PHACTR2: variants seen among roughly 807,000 people sequenced by gnomAD.
The protein encoded by PHACTR2 is phosphatase and actin regulator 2.
A neutral mutation model predicts 76.0 loss-of-function variants in PHACTR2; 30 were observed. The observed-to-expected ratio is 0.39, with a 90% CI of 0.30 to 0.54. PHACTR2 has a LOEUF of 0.54. Among genes scored for constraint, PHACTR2 ranks in the 20% least tolerant of loss-of-function variants. PHACTR2 has a pLI of 0.61. For missense variants in PHACTR2, 696 were observed against 781.1 expected (o/e 0.89, Z 1.30); for synonymous variants, 292 against 292.5 (o/e 1.00, Z 0.02).
chr6:143,788,987 G>A, intron 11 of PHACTR2, 77 bp downstream of exon 11: 1 of 1,349,002 alleles, frequency 7.4e-7, no homozygotes, highest in Non-Finnish European at 1.0e-6. Flanking sequence ...CCCTACTTAA[G>A]TCATCCCAGG....
At chr6:143,560,119 G>C (rs1203545336) in intron 1 of PHACTR2, among the ~76,000 whole-genome samples, 1 of 152,194 alleles carries the variant, frequency 6.6e-6, no homozygotes, top group Non-Finnish European at 1.5e-5. Flanking sequence ...CGGGAAAACA[G>C]AAAGTTGGTG....
At position 143,820,773 on chromosome 6, in the gene PHACTR2, C is replaced by T. The variant is rs1776401646; in HGVS notation, c.1923-2901C>T. 6.6e-6 allele frequency among the ~76,000 whole-genome samples: 1 copy of T among 152,216 alleles called. No individual in the cohort carries two copies. The highest frequency in any genetic ancestry group is 2.4e-5 in the African/African-American group (1 of 41,458). On this transcript the variant is annotated intron_variant, in intron 12 of 12. Coordinates refer to ENST00000440869, the MANE Select transcript of PHACTR2 (RefSeq NM_001100164.2). This position sits in a 1 kb window ranked among gnomAD's most constrained non-coding sequence, Gnocchi z 4.2. Reference sequence around the variant, plus strand: ...CCCCAGCAGAGACCCTTTGTGGAATCCCCAACTCCTCATTTCCCTTCCACA... The same window carrying T: ...CCCCAGCAGAGACCCTTTGTGGAATTCCCAACTCCTCATTTCCCTTCCACA...
chr6:143,769,518 G>C (rs371051801), intron 6 of PHACTR2, among the ~76,000 whole-genome samples: 4 of 152,166 alleles, frequency 2.6e-5, no homozygotes, highest in Admixed American at 6.5e-5. Flanking sequence ...CTGGATTCTA[G>C]ACAAGACTTG....
chr6:143,664,847 G>A lies in PHACTR2; in HGVS notation c.14-47169G>A, dbSNP rs1017012293. Among the ~76,000 whole-genome samples, 1 of 151,936 alleles carries A rather than the reference G, an allele frequency of 6.6e-6. No individual in the cohort carries two copies. Among genetic ancestry groups the A allele is most frequent in the Admixed American group, 6.6e-5 (1 of 15,248 alleles). On this transcript the variant is annotated intron_variant, in intron 1 of 11. Coordinates refer to the PHACTR2 transcript ENST00000305766. This position sits in a 1 kb window ranked among gnomAD's most constrained non-coding sequence, Gnocchi z 5.1. The stretch of plus-strand genomic sequence containing the variant: ...ACTGTCTTGCTCTGTCACCCAGGCT[G>A]GAGTGCAGTGGTGCAATCTCGGTTC...
At chr6:143,673,466 T>C (rs112087606), upstream of PHACTR2, among the ~76,000 whole-genome samples, 67 of 152,272 alleles carry the variant, frequency 4.4e-4, 1 homozygote, top group African/African-American at 1.5e-3. Context: ...ATGTGATGGT[T>C]AACAAAACAA....
Position 143,784,562 on chromosome 6 carries a change from TC to T in PHACTR2, c.1707+1285del, listed in dbSNP as rs1775508875. On this transcript the variant is annotated intron_variant, in intron 10 of 12. Transcript: ENST00000440869. This position sits in a 1 kb window ranked among gnomAD's most constrained non-coding sequence, Gnocchi z 4.5. ...AAGGCAGATGGAGGCAATGCTTCAT[TC>T]CCACAGAAAAGCTATGGGACTATGT... Among the ~76,000 whole-genome samples the T allele has an allele frequency of 6.6e-6, 1 of 152,198 alleles. No individual in the cohort carries two copies. Among genetic ancestry groups the T allele is most frequent in the Non-Finnish European group, 1.5e-5 (1 of 68,030 alleles).
chr6:143,827,161 T>TATAC lies in PHACTR2; in HGVS notation c.*3475_*3476insCATA, dbSNP rs869052472. ...CGTTGGCATTAAAAAAGAAAATATA[T>TATAC]ATATATATATATATATATATATATA... On this transcript the variant is annotated 3_prime_UTR_variant, in exon 13 of 13. Coordinates refer to ENST00000440869, the MANE Select transcript of PHACTR2 (RefSeq NM_001100164.2). 0.028 allele frequency: 881 copies of TATAC among 31,474 alleles called. 13 individuals are homozygous for TATAC. Among genetic ancestry groups the TATAC allele is most frequent in the Non-Finnish European group, 0.045 (667 of 14,964 alleles). The allele number at this position is 31,474 out of a possible 1,614,324, so 1.9% of individuals were successfully genotyped here. A position where few individuals can be genotyped will look rare whatever the true frequency, so the allele number is the denominator to read the frequency against.
rs371127962 is a variant in PHACTR2, at chr6:143,787,173, G to A, written c.1708-1600G>A. Among the ~76,000 whole-genome samples the A allele has an allele frequency of 5.9e-5, 9 of 152,336 alleles. No homozygotes were observed. Among genetic ancestry groups the A allele is most frequent in the East Asian group, 3.9e-4 (2 of 5,184 alleles). On this transcript the variant is annotated intron_variant, in intron 10 of 12. Transcript: ENST00000440869. This position sits in a 1 kb window ranked among gnomAD's most constrained non-coding sequence, Gnocchi z 4.6. ...CCTCCACCATACATAGCTCCATGCC[G>A]TAGGTGCAGGTCAGCCCGTAGCACT...
Position 143,646,536 on chromosome 6 carries a change from T to C in PHACTR2, c.13+38214T>C, listed in dbSNP as rs78072471. ...TAGACATAACCTGATCCTTCAAATA[T>C]AACTGAAAAAAAGGTGCTCCATTTT... is the stretch of plus-strand genomic sequence containing the variant. On this transcript the variant is annotated intron_variant, in intron 1 of 11. Coordinates refer to the PHACTR2 transcript ENST00000305766. This position sits in a 1 kb window ranked among gnomAD's most constrained non-coding sequence, Gnocchi z 4.1. Among the ~76,000 whole-genome samples the C allele has an allele frequency of 1.6e-3, 241 of 152,190 alleles. 3 individuals carry two copies. In the East Asian group the frequency reaches 0.024, roughly 15 times the overall value.
In PHACTR2 at chr6:143,597,797, A is replaced by G. The variant is rs1368269935; in HGVS notation, c.217+60590A>G. Among the ~76,000 whole-genome samples the G allele has an allele frequency of 6.6e-6, 1 of 152,204 alleles. No homozygotes were observed. The highest frequency in any genetic ancestry group is 1.5e-5 in the Non-Finnish European group (1 of 68,040). ...AGATTATTGGAAATCCTCCAGGTCC[A>G]TTATATTGACATTCTTTTTTATAAT... On this transcript the variant is annotated intron_variant, in intron 1 of 11. Coordinates refer to the PHACTR2 transcript ENST00000367584. The surrounding 1 kb of genome is among the most constrained non-coding windows in gnomAD (Gnocchi z 5.7).
chr6:143,695,521 G>A lies in PHACTR2; in HGVS notation c.47-16495G>A, dbSNP rs555596066. ...GATAAGGATTTAATTAATTGCTTGT[G>A]GTTTTGCAGTGCCAGTCCAGGTTTA... is the stretch of plus-strand genomic sequence containing the variant. On this transcript the variant is annotated intron_variant, in intron 1 of 12. Transcript: ENST00000440869. The surrounding 1 kb of genome is among the most constrained non-coding windows in gnomAD (Gnocchi z 4.4). 6.6e-6 allele frequency among the ~76,000 whole-genome samples: 1 copy of A among 152,318 alleles called. No individual in the cohort carries two copies. Among genetic ancestry groups the A allele is most frequent in the South Asian group, 2.1e-4 (1 of 4,824 alleles).
rs1459751988 is a variant in PHACTR2 at position 143,747,816 on chromosome 6, A to G, written c.215-1169A>G. 2.0e-5 allele frequency among the ~76,000 whole-genome samples: 3 copies of G among 152,174 alleles called. No individual in the cohort carries two copies. In the East Asian group the frequency reaches 5.8e-4, roughly 29 times the overall value. On this transcript the variant is annotated intron_variant, in intron 2 of 12. Transcript: ENST00000440869. Reference sequence around the variant, plus strand: ...AATGTTGACTCAGGATTAATAGATGACATGACCACATGTTAATTTTACGCA... The same window carrying G: ...AATGTTGACTCAGGATTAATAGATGGCATGACCACATGTTAATTTTACGCA...
chr6:143,592,314 C>A lies in PHACTR2; in HGVS notation c.217+55107C>A, dbSNP rs1303836136. ...GGATAACACCAATGGTAAGATGAAC[C>A]ATCCTCTCCATCCAGATCCCCTGCA... On this transcript the variant is annotated intron_variant, in intron 1 of 11. Transcript: ENST00000367584. The surrounding 1 kb of genome is among the most constrained non-coding windows in gnomAD (Gnocchi z 4.0). Among the ~76,000 whole-genome samples, 1 of 152,160 alleles carries A rather than the reference C, an allele frequency of 6.6e-6. No individual in the cohort carries two copies. Among genetic ancestry groups the A allele is most frequent in the Non-Finnish European group, 1.5e-5 (1 of 68,014 alleles).
Position 143,733,756 on chromosome 6 carries a change from G to A in PHACTR2, c.215-15229G>A, listed in dbSNP as rs74866096. 0.067 allele frequency among the ~76,000 whole-genome samples: 10,213 copies of A among 152,180 alleles called. 1,126 individuals are homozygous for A. The highest frequency in any genetic ancestry group is 0.23 in the African/African-American group (9,569 of 41,430). On this transcript the variant is annotated intron_variant, in intron 2 of 12. Transcript: ENST00000440869. This position sits in a 1 kb window ranked among gnomAD's most constrained non-coding sequence, Gnocchi z 4.0. ...GGTCAATGTGGGAACATCTTTCTCA[G>A]AAAGGAAGTGTGGTGGGGGTTGTAT...
intron 1 of PHACTR2, among the ~76,000 whole-genome samples, chr6:143,538,522 C>T (rs1421475739): frequency 2.0e-5 from 3 of 152,216 alleles, no homozygotes; most frequent in African/African-American, 7.2e-5. Context: ...AAAAACTACC[C>T]ATAGCGGCAA....
Position 143,633,843 on chromosome 6 carries a change from G to A in PHACTR2, c.13+25521G>A, listed in dbSNP as rs566139852. On this transcript the variant is annotated intron_variant, in intron 1 of 11. Transcript: ENST00000305766. The surrounding 1 kb of genome is among the most constrained non-coding windows in gnomAD (Gnocchi z 4.1). ...GGTCTCTGTCTAGATTCATTTTTTC[G>A]CATTTAGATGTCCAGTTACCTTTTG... Among the ~76,000 whole-genome samples, 69 of 151,982 alleles carry A rather than the reference G, an allele frequency of 4.5e-4. No homozygotes were observed. The highest frequency in any genetic ancestry group is 1.5e-3 in the African/African-American group (62 of 41,454).
At chr6:143,712,747 T>C (rs1778207488) in intron 2 of PHACTR2, among the ~76,000 whole-genome samples, 1 of 152,218 alleles carries the variant, frequency 6.6e-6, no homozygotes, top group Non-Finnish European at 1.5e-5. Flanking sequence ...TGATTTTAGA[T>C]TTCTATCATA....
intron 1 of PHACTR2, among the ~76,000 whole-genome samples, chr6:143,588,964 C>G (rs1312072969): frequency 6.6e-6 from 1 of 150,970 alleles, no homozygotes; most frequent in African/African-American, 2.5e-5. Flanking sequence ...CTTCATAAGA[C>G]TCTGAAGATT....
In PHACTR2 at chr6:143,639,315, T is replaced by C. The variant is rs1303521461; in HGVS notation, c.13+30993T>C. On this transcript the variant is annotated intron_variant, in intron 1 of 11. Coordinates refer to the PHACTR2 transcript ENST00000305766. The surrounding 1 kb of genome is among the most constrained non-coding windows in gnomAD (Gnocchi z 5.0). Reference sequence around the variant, plus strand: ...GTAAAACAAATGTAACAGAACTTTATATAGTGATTTAATCTTTAAATCACG... The same window carrying C: ...GTAAAACAAATGTAACAGAACTTTACATAGTGATTTAATCTTTAAATCACG... Among the ~76,000 whole-genome samples the C allele has an allele frequency of 1.3e-5, 2 of 152,254 alleles. No homozygotes were observed. Among genetic ancestry groups the C allele is most frequent in the African/African-American group, 4.8e-5 (2 of 41,466 alleles).
Sources: allele counts gnomAD v4.1 joint callset (sites outside exome capture counted in the v4.1 genomes callset), GRCh38; gene constraint gnomAD v4.1.1; non-coding constraint Gnocchi (gnomAD v3.1); transcripts MANE v1.5; gene names NCBI Gene and HGNC (gene_info 2026-07-23, HGNC 2026-07-21).